The following GSTCD variants were observed in gnomAD, a reference collection of about 807,000 sequenced individuals.
The protein encoded by GSTCD is glutathione S-transferase C-terminal domain-containing protein.
Under a neutral mutation model 68.3 loss-of-function variants are expected in GSTCD, and 44 were observed. The ratio of observed to expected loss-of-function variants is 0.64; its 90% CI spans 0.51 to 0.83. The LOEUF is 0.83. Ranked by LOEUF, GSTCD falls within the 40% of genes least tolerant of loss-of-function variation. The pLI, the probability that GSTCD is intolerant of heterozygous loss-of-function variation, is 0.00. For synonymous variants in GSTCD, 273 were observed against 255.2 expected, an observed-to-expected ratio of 1.07 and a Z score of -0.67; for missense variants, 739 against 735.9, an observed-to-expected ratio of 1.00 and a Z score of -0.05.
Position 105,729,493 on chromosome 4 carries a change from A to G in GSTCD, c.1234A>G (p.Lys412Glu). 6.2e-7 allele frequency: 1 copy of G among 1,607,680 alleles called. No homozygotes were observed. The highest frequency in any genetic ancestry group is 1.7e-5 in the Admixed American group (1 of 59,876). ...WNVLPAAVSPKEGKMSSDRAL... is the reference protein window; with the variant it reads ...WNVLPAAVSPEEGKMSSDRAL... ...TGTTCTCCCTGCAGCAGTCAGCCCAAAGGAAGGTGAGTTTTCTTTTTTCTT... is the reference window on the plus strand; with the variant it reads ...TGTTCTCCCTGCAGCAGTCAGCCCAGAGGAAGGTGAGTTTTCTTTTTTCTT... Residue 412 changes from lysine to glutamate, a missense_variant, in exon 5 of 12, where the codon AAG becomes GAG. Transcript: ENST00000515279.
chr4:105,807,136 C>T (rs1722548139), intron 5 of GSTCD: 1 of 151,982 alleles, frequency 6.6e-6, no homozygotes, highest in Non-Finnish European at 1.5e-5. Context: ...TAATGAATAC[C>T]CATGTAGCCT....
At position 105,837,890 on chromosome 4, in the gene GSTCD, G is replaced by T. The variant is rs776264696; in HGVS notation, c.1695+1G>T. On this transcript the variant is annotated splice_donor_variant, in intron 10 of 11. Coordinates refer to ENST00000515279, the MANE Select transcript of GSTCD (RefSeq NM_001370181.1). LOFTEE classifies it high-confidence loss of function. ...ATTCAAGAAAACTTTATCATACAAG[G>T]TAACCTTAAAAAGATCTAGATATCA... is the stretch of plus-strand genomic sequence containing the variant. The T allele has an allele frequency of 3.7e-6, 4 of 1,093,940 alleles. No homozygotes were observed. Among genetic ancestry groups the T allele is most frequent in the Middle Eastern group, 4.1e-4 (2 of 4,906 alleles). The allele number at this position is 1,093,940 out of a possible 1,614,324, so 67.8% of individuals were successfully genotyped here.
At chr4:105,818,589 G>A (rs1723123521) in intron 5 of GSTCD, among the ~76,000 whole-genome samples, 1 of 151,752 alleles carries the variant, frequency 6.6e-6, no homozygotes, top group Non-Finnish European at 1.5e-5. Flanking sequence ...AAGGCAGAGA[G>A]GAGCCTATAA....
chr4:105,793,771 T>C (rs1395971601), intron 5 of GSTCD, among the ~76,000 whole-genome samples: 1 of 151,972 alleles, frequency 6.6e-6, no homozygotes, highest in Non-Finnish European at 1.5e-5. Context: ...AATTAATGAA[T>C]TTATGGTTAC....
chr4:105,821,345 C>T (rs1349719054), intron 5 of GSTCD, among the ~76,000 whole-genome samples: 2 of 151,802 alleles, frequency 1.3e-5, no homozygotes, highest in African/African-American at 4.8e-5. Flanking sequence ...TTGCTAGATG[C>T]TTGAAAGTTG....
intron 5 of GSTCD, among the ~76,000 whole-genome samples, chr4:105,793,295 G>C (rs1171331270): frequency 6.6e-6 from 1 of 151,532 alleles, no homozygotes; most frequent in Non-Finnish European, 1.5e-5. Context: ...CCTTTGTAAG[G>C]TTTTCTTGTA....
At chr4:105,808,208 A>G (rs1412798462) in intron 5 of GSTCD, among the ~76,000 whole-genome samples, 1 of 152,104 alleles carries the variant, frequency 6.6e-6, no homozygotes, top group Non-Finnish European at 1.5e-5. Context: ...ATAACCCCTT[A>G]TCAGTCTCCT....
At chr4:105,768,760 C>A (rs977838204) in intron 5 of GSTCD, among the ~76,000 whole-genome samples, 1 of 151,572 alleles carries the variant, frequency 6.6e-6, no homozygotes, top group Non-Finnish European at 1.5e-5. Context: ...TTATTTCCTA[C>A]TTCTAGCTGT....
intron 1 of GSTCD, among the ~76,000 whole-genome samples, chr4:105,717,305 T>C (rs1338001436): frequency 1.3e-5 from 2 of 152,180 alleles, no homozygotes; most frequent in Non-Finnish European, 2.9e-5. Context: ...TCACATATAG[T>C]GAGACCCCAA....
At chr4:105,797,076 GTGTA>G (rs1014372712) in intron 5 of GSTCD, among the ~76,000 whole-genome samples, 7 of 151,254 alleles carry the variant, frequency 4.6e-5, no homozygotes, top group Non-Finnish European at 7.4e-5. Context: ...GTGTGTGTGT[GTGTA>G]TGTGTGTGTG....
intron 5 of GSTCD, among the ~76,000 whole-genome samples, chr4:105,772,675 G>T (rs11737561): frequency 6.6e-6 from 1 of 152,144 alleles, no homozygotes; most frequent in African/African-American, 2.4e-5. Flanking sequence ...ATTTGCATAT[G>T]TTGAACCAGC....
intron 8 of GSTCD, among the ~76,000 whole-genome samples, chr4:105,829,767 C>G (rs74836058): frequency 7.9e-4 from 120 of 151,944 alleles, no homozygotes; most frequent in Non-Finnish European, 1.6e-3. Flanking sequence ...CAAACATAAT[C>G]AAGGGTCTTA....
At chr4:105,816,473 A>G (rs535376026) in intron 5 of GSTCD, among the ~76,000 whole-genome samples, 1 of 152,222 alleles carries the variant, frequency 6.6e-6, no homozygotes, top group African/African-American at 2.4e-5. Flanking sequence ...GAGACCTCTA[A>G]TGCCTTAGCA....
At chr4:105,786,579 T>G (rs569136421) in intron 5 of GSTCD, among the ~76,000 whole-genome samples, 2 of 149,342 alleles carry the variant, frequency 1.3e-5, no homozygotes, top group South Asian at 4.2e-4. Context: ...GAGACTATTA[T>G]GGCAAATTAT....
chr4:105,714,023 T>TG (rs1457749241), intron 1 of GSTCD, among the ~76,000 whole-genome samples: 27 of 149,114 alleles, frequency 1.8e-4, no homozygotes, highest in African/African-American at 5.9e-4. Flanking sequence ...AGAATGAAAG[T>TG]GAAAAAAAAA....
chr4:105,770,208 C>G (rs546922592), intron 5 of GSTCD, among the ~76,000 whole-genome samples: 2 of 152,302 alleles, frequency 1.3e-5, no homozygotes, highest in East Asian at 3.9e-4. Flanking sequence ...CTTAAAAGTT[C>G]AGCACGTTTA....
At chr4:105,739,608 G>A (rs1394179017) in intron 5 of GSTCD, among the ~76,000 whole-genome samples, 1 of 152,182 alleles carries the variant, frequency 6.6e-6, no homozygotes, top group South Asian at 2.1e-4. Flanking sequence ...ACTGCAGTTG[G>A]TGGCCAATGT....
At chr4:105,810,651 A>G (rs1722715098) in intron 5 of GSTCD, among the ~76,000 whole-genome samples, 1 of 152,144 alleles carries the variant, frequency 6.6e-6, no homozygotes, top group African/African-American at 2.4e-5. Context: ...TAAAGTTTAC[A>G]TTGTATATGT....
In GSTCD at chr4:105,708,790, T is replaced by C. The variant is rs1170254216; in HGVS notation, c.-248T>C. 2 of 162,050 alleles carry C rather than the reference T, an allele frequency of 1.2e-5. No homozygotes were observed. Among genetic ancestry groups the C allele is most frequent in the African/African-American group, 4.8e-5 (2 of 41,570 alleles). The allele number at this position is 162,050 out of a possible 1,614,324, so 10.0% of individuals were successfully genotyped here. On this transcript the variant is annotated 5_prime_UTR_variant, in exon 1 of 12. Transcript: ENST00000515279. ...TGCGACAGTAGGAAGTGACGTTACT[T>C]CCCTTTTTCCGGTCCGCCGGATTAT...
Sources: allele counts gnomAD v4.1 joint callset (sites outside exome capture counted in the v4.1 genomes callset), GRCh38; gene constraint gnomAD v4.1.1; transcripts MANE v1.5; gene names NCBI Gene and HGNC (gene_info 2026-07-23, HGNC 2026-07-21).